CLIC5: variants seen among roughly 807,000 people sequenced by gnomAD.
CLIC5 encodes the protein chloride intracellular channel protein 5.
Under a neutral mutation model 24.7 loss-of-function variants are expected in CLIC5, and 20 were observed. That is an observed-to-expected ratio of 0.81 (90% CI 0.57 to 1.18). The LOEUF (loss-of-function observed/expected upper bound fraction) is 1.18, where lower values mean the gene tolerates loss of function less well. Ranked by LOEUF, CLIC5 falls within the 50% of genes most tolerant of loss-of-function variation. The pLI is 0.00. For missense variants in CLIC5, 341 were observed against 326.1 expected (o/e 1.05, Z -0.35); for synonymous variants, 159 against 135.6 (o/e 1.17, Z -1.20).
At chr6:45,941,265 A>G (rs1764120199) in intron 4 of CLIC5, among the ~76,000 whole-genome samples, 1 of 152,224 alleles carries the variant, frequency 6.6e-6, no homozygotes, top group Non-Finnish European at 1.5e-5. Context: ...ATGCTGTGCA[A>G]TAAGGCAGGC....
chr6:46,095,440 G>T, the CLIC5 span, among the ~76,000 whole-genome samples: 1 of 152,096 alleles, frequency 6.6e-6, no homozygotes, highest in Non-Finnish European at 1.5e-5. Flanking sequence ...TCATGTATAT[G>T]AACATAAGTT....
chr6:45,906,256 T>C (rs1158785321), intron 5 of CLIC5, among the ~76,000 whole-genome samples: 2 of 152,210 alleles, frequency 1.3e-5, no homozygotes, highest in African/African-American at 4.8e-5. Flanking sequence ...AAAAATGACA[T>C]TGGTAGATTG....
chr6:46,031,123 A>G (rs1767486459), intron 1 of CLIC5, among the ~76,000 whole-genome samples: 1 of 152,174 alleles, frequency 6.6e-6, no homozygotes. Context: ...TTAAGATCCT[A>G]TTTTATTCCC....
At chr6:45,941,795 A>G in intron 3 of CLIC5, 142 bp from the exon 4 acceptor site, 2 of 703,782 alleles carry the variant, frequency 2.8e-6, no homozygotes, top group Non-Finnish European at 2.5e-6. Flanking sequence ...CTCATACTAT[A>G]GGGAGGGTGG....
chr6:45,965,204 C>T (rs1402057235), intron 1 of CLIC5, among the ~76,000 whole-genome samples: 1 of 152,128 alleles, frequency 6.6e-6, no homozygotes, highest in African/African-American at 2.4e-5. Flanking sequence ...GTCAGTCATG[C>T]ATTTACTATG....
intron 5 of CLIC5, chr6:45,913,718 A>G: frequency 9.2e-7 from 1 of 1,090,974 alleles, no homozygotes; most frequent in Non-Finnish European, 1.2e-6. Flanking sequence ...AGAAAGTGAC[A>G]TCACTTCTTG....
chr6:46,047,271 G>A (rs752010826), intron 1 of CLIC5, among the ~76,000 whole-genome samples: 8 of 152,110 alleles, frequency 5.3e-5, no homozygotes, highest in Non-Finnish European at 1.0e-4. Context: ...AGTTATTTCC[G>A]GTAATAGTTA....
At chr6:45,921,839 T>C (rs1763274132) in intron 4 of CLIC5, among the ~76,000 whole-genome samples, 2 of 152,214 alleles carry the variant, frequency 1.3e-5, no homozygotes, top group Non-Finnish European at 2.9e-5. Context: ...AGTTTGACAG[T>C]TTAGAGAGTT....
chr6:46,108,707 T>C, the CLIC5 span, among the ~76,000 whole-genome samples: 2 of 152,196 alleles, frequency 1.3e-5, no homozygotes, highest in Non-Finnish European at 2.9e-5. Context: ...CTATCAGGTC[T>C]TTTAATTGTT....
intron 4 of CLIC5, among the ~76,000 whole-genome samples, chr6:45,939,422 C>T (rs1764054185): frequency 6.6e-6 from 1 of 151,814 alleles, no homozygotes; most frequent in South Asian, 2.1e-4. Flanking sequence ...AGACTCCTGA[C>T]CTCAGGTGAT....
intron 4 of CLIC5, among the ~76,000 whole-genome samples, chr6:45,922,977 C>T (rs1276850910): frequency 6.6e-6 from 1 of 152,120 alleles, no homozygotes; most frequent in East Asian, 1.9e-4. Flanking sequence ...CACCTTCTGG[C>T]TTATCCCTGA....
chr6:45,897,835 T>C (rs1762414551), downstream of CLIC5, among the ~76,000 whole-genome samples: 1 of 152,074 alleles, frequency 6.6e-6, no homozygotes, highest in Non-Finnish European at 1.5e-5. Flanking sequence ...AGGAATTCTT[T>C]AAATCATACC....
chr6:45,902,246 C>T lies in CLIC5; in HGVS notation c.*842G>A, dbSNP rs1053721127. 6.5e-6 allele frequency: 1 copy of T among 152,898 alleles called. No individual in the cohort carries two copies. Among genetic ancestry groups the T allele is most frequent in the African/African-American group, 2.4e-5 (1 of 41,466 alleles). 9.5% of individuals were successfully genotyped at this position (152,898 alleles called of 1,614,324 possible). A position where few individuals can be genotyped will look rare whatever the true frequency, so the allele number is the denominator to read the frequency against. On this transcript the variant is annotated 3_prime_UTR_variant, in exon 6 of 6. Transcript: ENST00000339561. ...CCACTCATTGGTAAGCACAGTCAAACCCAGGCCTGTAATCACCTCTGAAAC... is the reference window on the plus strand; with the variant it reads ...CCACTCATTGGTAAGCACAGTCAAATCCAGGCCTGTAATCACCTCTGAAAC...
At chr6:46,009,307 G>C (rs1263506468) in intron 1 of CLIC5, among the ~76,000 whole-genome samples, 1 of 152,078 alleles carries the variant, frequency 6.6e-6, no homozygotes, top group Non-Finnish European at 1.5e-5. Flanking sequence ...TGTCCTTAAA[G>C]AATTTCACAT....
intron 1 of CLIC5, among the ~76,000 whole-genome samples, chr6:46,051,096 C>T (rs1768090326): frequency 6.6e-6 from 1 of 152,188 alleles, no homozygotes; most frequent in Non-Finnish European, 1.5e-5. Context: ...ACTCTTAGAA[C>T]ATAACTGAAC....
In CLIC5 at chr6:45,965,284, T is replaced by C. The variant is rs539491117; in HGVS notation, c.64-10040A>G. 3.9e-5 allele frequency among the ~76,000 whole-genome samples: 6 copies of C among 152,322 alleles called. No homozygotes were observed. In the South Asian group the frequency reaches 1.2e-3, roughly 32 times the overall value. Reference sequence around the variant, plus strand: ...ACAATGATAGATACATGCATGTCTGTTCTCTATAAGACTATTGAATTTCTG... The same window carrying C: ...ACAATGATAGATACATGCATGTCTGCTCTCTATAAGACTATTGAATTTCTG... On this transcript the variant is annotated intron_variant, in intron 1 of 5. Transcript: ENST00000339561.
upstream of CLIC5, among the ~76,000 whole-genome samples, chr6:46,083,875 T>A (rs1762975802): frequency 6.6e-6 from 1 of 152,018 alleles, no homozygotes; most frequent in Non-Finnish European, 1.5e-5. Context: ...GACAGTGGGG[T>A]GTTAAAGTCT....
At chr6:46,093,690 A>G in the CLIC5 span, among the ~76,000 whole-genome samples, 2 of 152,228 alleles carry the variant, frequency 1.3e-5, no homozygotes, top group Non-Finnish European at 2.9e-5. Context: ...GTAAGATAAT[A>G]TGACTACTTG....
intron 1 of CLIC5, among the ~76,000 whole-genome samples, chr6:46,034,613 T>A (rs768632591): frequency 2.3e-4 from 35 of 152,100 alleles, no homozygotes; most frequent in Non-Finnish European, 4.7e-4. Context: ...TTAAAAAAAA[T>A]TAAAAAAGGA....
Sources: gnomAD v4.1 joint callset for allele counts (sites outside exome capture counted in the v4.1 genomes callset) on GRCh38, gnomAD v4.1.1 for gene constraint, MANE v1.5 for transcripts, NCBI Gene and HGNC (gene_info 2026-07-23, HGNC 2026-07-21) for gene names.